Variants in CNTN5 observed in about 807,000 individuals in gnomAD.
The protein encoded by CNTN5 is contactin 5, also known as contactin-5.
In CNTN5, 77 loss-of-function variants were observed where a neutral mutation model predicts 129.1. The observed-to-expected ratio is 0.60, with a 90% CI of 0.50 to 0.72. The LOEUF (loss-of-function observed/expected upper bound fraction) is 0.72. CNTN5 is among the 30% of genes least tolerant of loss of function. CNTN5 has a pLI of 0.00. For missense variants in CNTN5, 1,478 were observed against 1,328.8 expected (o/e 1.11, Z -1.75); for synonymous variants, 509 against 465.6 (o/e 1.09, Z -1.20).
chr11:99,113,603 G>A (rs1381518716), intron 1 of CNTN5, among the ~76,000 whole-genome samples: 1 of 151,992 alleles, frequency 6.6e-6, no homozygotes, highest in Non-Finnish European at 1.5e-5. Context: ...ATTAACTCCG[G>A]ATACCTTGGT....
At chr11:99,745,055 C>G (rs1401130229) in intron 3 of CNTN5, among the ~76,000 whole-genome samples, 1 of 152,130 alleles carries the variant, frequency 6.6e-6, no homozygotes, top group Non-Finnish European at 1.5e-5. Context: ...GAAAAAAGCA[C>G]ACGTAAGTCT....
intron 21 of CNTN5, among the ~76,000 whole-genome samples, chr11:100,329,166 A>C (rs953736151): frequency 2.6e-5 from 4 of 152,064 alleles, no homozygotes; most frequent in Non-Finnish European, 5.9e-5. Context: ...GGTTTTCCCT[A>C]CTTCCCTGGT....
At chr11:99,705,382 G>A (rs1334626414) in intron 3 of CNTN5, among the ~76,000 whole-genome samples, 1 of 151,210 alleles carries the variant, frequency 6.6e-6, no homozygotes, top group Non-Finnish European at 1.5e-5. Flanking sequence ...GAAGACTCCT[G>A]AATTTTTCAT....
intron 18 of CNTN5, among the ~76,000 whole-genome samples, chr11:100,272,544 A>G (rs1441742792): frequency 6.6e-6 from 1 of 152,030 alleles, no homozygotes; most frequent in Non-Finnish European, 1.5e-5. Flanking sequence ...AAGAAAGAAA[A>G]AAAAATCCCA....
At chr11:99,461,707 A>AT (rs35295805) in intron 2 of CNTN5, among the ~76,000 whole-genome samples, 23 of 150,992 alleles carry the variant, frequency 1.5e-4, no homozygotes, top group East Asian at 1.4e-3. Context: ...TTTGATTAGC[A>AT]TTTTTTTTTC....
intron 1 of CNTN5, among the ~76,000 whole-genome samples, chr11:99,272,486 C>T (rs569179396): frequency 2.2e-4 from 34 of 151,828 alleles, no homozygotes; most frequent in Non-Finnish European, 4.0e-4. Context: ...TCGAACAATC[C>T]TCCCATCATA....
At chr11:99,858,484 A>T (rs994167896) in intron 6 of CNTN5, among the ~76,000 whole-genome samples, 3 of 152,004 alleles carry the variant, frequency 2.0e-5, no homozygotes, top group Non-Finnish European at 4.4e-5. Flanking sequence ...AAGCAGGCCT[A>T]GTAACTTGAC....
intron 6 of CNTN5, among the ~76,000 whole-genome samples, chr11:99,882,872 C>G (rs1021456776): frequency 6.6e-6 from 1 of 152,130 alleles, no homozygotes; most frequent in Admixed American, 6.5e-5. Context: ...CCCCCCACCT[C>G]CATTCCCAGC....
chr11:99,836,887 C>T (rs867689426), intron 4 of CNTN5, among the ~76,000 whole-genome samples: 1 of 152,124 alleles, frequency 6.6e-6, no homozygotes, highest in Non-Finnish European at 1.5e-5. Context: ...CCTTTTTAGA[C>T]CATATAGGGT....
intron 1 of CNTN5, among the ~76,000 whole-genome samples, chr11:99,220,234 A>C (rs1488544734): frequency 6.6e-6 from 1 of 152,050 alleles, no homozygotes; most frequent in African/African-American, 2.4e-5. Flanking sequence ...GGTCACTAAC[A>C]CTTGCTAACT....
At chr11:99,792,535 A>T (rs1191427964) in intron 3 of CNTN5, among the ~76,000 whole-genome samples, 1 of 79,540 alleles carries the variant, frequency 1.3e-5, no homozygotes, top group African/African-American at 6.5e-5. Context: ...TGGCCTGAAG[A>T]GGGGTGTGTG....
chr11:99,049,991 A>G (rs1011140245), intron 1 of CNTN5: 3 of 152,096 alleles, frequency 2.0e-5, no homozygotes, highest in Non-Finnish European at 2.9e-5. Context: ...TTGTGAATCT[A>G]GTTGATGGTG....
chr11:100,178,046 A>G (rs1948025247), intron 13 of CNTN5, among the ~76,000 whole-genome samples: 1 of 152,102 alleles, frequency 6.6e-6, no homozygotes, highest in African/African-American at 2.4e-5. Context: ...ACCATTATTT[A>G]TGAAGGTTTT....
chr11:99,682,286 C>G (rs900249060), intron 3 of CNTN5, among the ~76,000 whole-genome samples: 18 of 151,168 alleles, frequency 1.2e-4, no homozygotes, highest in African/African-American at 4.4e-4. Context: ...ATAAAGTATT[C>G]AAGTGTAAAA....
chr11:99,499,590 T>A (rs1043971548), intron 2 of CNTN5, among the ~76,000 whole-genome samples: 2 of 152,220 alleles, frequency 1.3e-5, no homozygotes, highest in African/African-American at 4.8e-5. Context: ...TATCCTGTTA[T>A]AGCAGAACAA....
chr11:99,532,376 A>G (rs543168118), intron 2 of CNTN5, among the ~76,000 whole-genome samples: 1 of 152,284 alleles, frequency 6.6e-6, no homozygotes, highest in Admixed American at 6.5e-5. Flanking sequence ...TCATAGGCAG[A>G]AGGGACTTGC....
Position 99,425,935 on chromosome 11 carries a change from G to C in CNTN5, c.-71+100451G>C, listed in dbSNP as rs139213862. Among the ~76,000 whole-genome samples, 6 of 152,268 alleles carry C rather than the reference G, an allele frequency of 3.9e-5. No homozygotes were observed. The East Asian group carries it at 1.2e-3, about 29-fold the overall frequency. On this transcript the variant is annotated intron_variant, in intron 2 of 24. Transcript: ENST00000524871. The stretch of plus-strand genomic sequence containing the variant: ...TGCCATCACAACCATGGTTAGAGAT[G>C]GAATTGACAAGGAAATTTGGTTATT...
rs115433906 is a variant in CNTN5 at position 99,169,907 on chromosome 11, A to T, written c.-210+148637A>T. ...AGATAACTGAGTAAACATCCTGTAA[A>T]TATTTCAGTTAAATAATTACATAAT... On this transcript the variant is annotated intron_variant, in intron 1 of 24. Coordinates refer to ENST00000524871, the MANE Select transcript of CNTN5 (RefSeq NM_014361.4). Among the ~76,000 whole-genome samples the T allele has an allele frequency of 4.1e-3, 629 of 152,270 alleles. 6 individuals are homozygous for T. The highest frequency in any genetic ancestry group is 0.013 in the African/African-American group (530 of 41,564).
chr11:99,869,893 G>T (rs1449799089), intron 6 of CNTN5, among the ~76,000 whole-genome samples: 1 of 152,112 alleles, frequency 6.6e-6, no homozygotes, highest in East Asian at 1.9e-4. Context: ...AAATTTTCCA[G>T]AAAGTTTTGA....
Sources: allele counts gnomAD v4.1 joint callset (sites outside exome capture counted in the v4.1 genomes callset), GRCh38; gene constraint gnomAD v4.1.1; transcripts MANE v1.5; gene names NCBI Gene and HGNC (gene_info 2026-07-23, HGNC 2026-07-21).